DOK5: variants seen among roughly 807,000 people sequenced by gnomAD.
The protein encoded by DOK5 is docking protein 5, also known as downstream of tyrosine kinase 5.
A neutral mutation model predicts 43.3 loss-of-function variants in DOK5; 27 were observed. The observed-to-expected ratio is 0.62, with a 90% confidence interval of 0.46 to 0.86. The LOEUF (loss-of-function observed/expected upper bound fraction) is 0.86, where lower values mean the gene tolerates loss of function less well. Among genes scored for constraint, DOK5 ranks in the 40% least tolerant of loss-of-function variants. The probability of loss-of-function intolerance (pLI) is 0.00; values close to 1 mark genes in which losing one functional copy is unlikely to be tolerated. For missense variants in DOK5, 373 were observed against 392.9 expected, an observed-to-expected ratio of 0.95 and a Z score of 0.43; for synonymous variants, 146 against 140.1, an observed-to-expected ratio of 1.04 and a Z score of -0.30.
intron 6 of DOK5, among the ~76,000 whole-genome samples, chr20:54,619,379 T>G (rs570886235): frequency 6.6e-6 from 1 of 152,134 alleles, no homozygotes; most frequent in South Asian, 2.1e-4. Flanking sequence ...TAGCTATTTT[T>G]GCCACCTTTG....
chr20:54,614,803 A>C (rs1986755361), intron 6 of DOK5, among the ~76,000 whole-genome samples: 1 of 152,216 alleles, frequency 6.6e-6, no homozygotes, highest in African/African-American at 2.4e-5. Flanking sequence ...TAAACGAGGG[A>C]TTGTGAAAAG....
chr20:54,603,672 G>C (rs949836704), intron 5 of DOK5, among the ~76,000 whole-genome samples: 1 of 152,024 alleles, frequency 6.6e-6, no homozygotes, highest in South Asian at 2.1e-4. Context: ...AAACTACAAC[G>C]CCCAGGACAG....
At chr20:54,571,025 C>T (rs2146747595) in intron 2 of DOK5, among the ~76,000 whole-genome samples, 1 of 152,164 alleles carries the variant, frequency 6.6e-6, no homozygotes, top group Non-Finnish European at 1.5e-5. Flanking sequence ...TGGCTTTAAA[C>T]AGAAAAATTA....
intron 2 of DOK5, among the ~76,000 whole-genome samples, chr20:54,564,151 C>T (rs895435911): frequency 1.2e-4 from 19 of 152,184 alleles, no homozygotes; most frequent in East Asian, 7.7e-4. Context: ...TGGCTGGGCA[C>T]GGTGGCTCAC....
intron 1 of DOK5, among the ~76,000 whole-genome samples, chr20:54,533,269 C>T (rs948166873): frequency 6.6e-6 from 1 of 152,184 alleles, no homozygotes; most frequent in Admixed American, 6.5e-5. Context: ...CCAAAAGCTT[C>T]TCCAGACATT....
At chr20:54,562,937 G>T (rs1045615193) in intron 2 of DOK5, among the ~76,000 whole-genome samples, 3 of 152,166 alleles carry the variant, frequency 2.0e-5, no homozygotes, top group Non-Finnish European at 4.4e-5. Context: ...TAGGATCTTT[G>T]TAATGTATTC....
chr20:54,517,140 C>T (rs1422938153), intron 1 of DOK5, among the ~76,000 whole-genome samples: 1 of 152,154 alleles, frequency 6.6e-6, no homozygotes, highest in East Asian at 1.9e-4. Context: ...TAACTTCCCA[C>T]CCTGTGTGCA....
intron 2 of DOK5, among the ~76,000 whole-genome samples, chr20:54,574,882 T>A (rs1303207774): frequency 6.6e-6 from 1 of 152,098 alleles, no homozygotes; most frequent in African/African-American, 2.4e-5. Context: ...CTAATGACAA[T>A]TAGGAAAATT....
chr20:54,520,352 AG>A (rs1026862515), intron 1 of DOK5, among the ~76,000 whole-genome samples: 4 of 152,158 alleles, frequency 2.6e-5, no homozygotes, highest in Non-Finnish European at 5.9e-5. Context: ...TTTCCACTCT[AG>A]GTCAAGATTT....
At chr20:54,628,558 T>G (rs1181423065) in intron 6 of DOK5, among the ~76,000 whole-genome samples, 1 of 151,686 alleles carries the variant, frequency 6.6e-6, no homozygotes, top group Admixed American at 6.6e-5. Context: ...TAAGAATGAC[T>G]TACTCTTCTC....
At chr20:54,523,957 T>C (rs1294015763) in intron 1 of DOK5, among the ~76,000 whole-genome samples, 2 of 152,182 alleles carry the variant, frequency 1.3e-5, no homozygotes, top group Admixed American at 6.5e-5. Flanking sequence ...GCCTGCAGAA[T>C]TGAAAACTGT....
chr20:54,649,621 G>A (rs1979605933), intron 7 of DOK5, among the ~76,000 whole-genome samples: 1 of 152,128 alleles, frequency 6.6e-6, no homozygotes, highest in African/African-American at 2.4e-5. Context: ...TGCGGTAACC[G>A]TTGGCCAGCA....
At chr20:54,621,599 G>C (rs867971847) in intron 6 of DOK5, among the ~76,000 whole-genome samples, 2 of 151,428 alleles carry the variant, frequency 1.3e-5, no homozygotes, top group Non-Finnish European at 2.9e-5. Flanking sequence ...TGAGGCAGGA[G>C]AATCGCTTGA....
intron 1 of DOK5, among the ~76,000 whole-genome samples, chr20:54,496,451 A>G (rs1298050707): frequency 6.6e-6 from 1 of 152,210 alleles, no homozygotes; most frequent in Non-Finnish European, 1.5e-5. Flanking sequence ...GAATAACATC[A>G]GTTCAAGTTT....
intron 4 of DOK5, among the ~76,000 whole-genome samples, chr20:54,590,438 T>C (rs1985943411): frequency 6.6e-6 from 1 of 152,302 alleles, no homozygotes; most frequent in Admixed American, 6.5e-5. Flanking sequence ...CTCAGAGAAC[T>C]TCTAAGCAAA....
At chr20:54,578,039 C>T (rs1256529607) in intron 2 of DOK5, among the ~76,000 whole-genome samples, 1 of 152,090 alleles carries the variant, frequency 6.6e-6, no homozygotes, top group African/African-American at 2.4e-5. Context: ...TTACATATCC[C>T]CAAATCCTAG....
chr20:54,486,787 C>A (rs1211720922), intron 1 of DOK5, among the ~76,000 whole-genome samples: 1 of 152,036 alleles, frequency 6.6e-6, no homozygotes, highest in Admixed American at 6.6e-5. Context: ...GGCTCTTAAT[C>A]CTGTGCCTGA....
chr20:54,524,318 C>T (rs1471251376), intron 1 of DOK5, among the ~76,000 whole-genome samples: 4 of 152,162 alleles, frequency 2.6e-5, no homozygotes, highest in South Asian at 2.1e-4. Flanking sequence ...TCAGAATCAG[C>T]GTGGTTCACT....
chr20:54,492,686 TTGTGTGTGTGTGTGTGTGTG>T, intron 1 of DOK5, among the ~76,000 whole-genome samples: 1 of 141,178 alleles, frequency 7.1e-6, no homozygotes, highest in South Asian at 2.3e-4. Flanking sequence ...GAGTGTGGCT[TTGTGTGTGTGTGTGTGTGTG>T]TGTGTGTGTG....
Sources: allele counts gnomAD v4.1 joint callset (sites outside exome capture counted in the v4.1 genomes callset), GRCh38; gene constraint gnomAD v4.1.1; transcripts MANE v1.5; gene names NCBI Gene and HGNC (gene_info 2026-07-23, HGNC 2026-07-21).